ACSL4: variants seen among roughly 807,000 people sequenced by gnomAD.
ACSL4 encodes the protein acyl-CoA synthetase long chain family member 4, also known as long-chain-fatty-acid--CoA ligase 4.
A neutral mutation model predicts 49.1 loss-of-function variants in ACSL4; 9 were observed. That is an observed-to-expected ratio of 0.18 (90% CI 0.11 to 0.32). ACSL4 has a LOEUF of 0.32. ACSL4 is among the 10% of genes least tolerant of loss of function. The pLI, the probability that ACSL4 is intolerant of heterozygous loss-of-function variation, is 1.00. For synonymous variants in ACSL4, 191 were observed against 170.3 expected, an observed-to-expected ratio of 1.12 and a Z score of -0.95; for missense variants, 333 against 493.7, an observed-to-expected ratio of 0.67 and a Z score of 3.08.
At chrX:109,677,878 T>C in intron 8 of ACSL4, 110 bp downstream of exon 8, 1 of 1,066,680 alleles carries the variant, frequency 9.4e-7, no homozygotes, top group South Asian at 1.9e-5. Flanking sequence ...TATTTTGAGG[T>C]CAAGGAGAAA....
intron 2 of ACSL4, 27 bp from the exon 3 acceptor site, chrX:109,683,402 G>T: frequency 8.3e-7 from 1 of 1,211,188 alleles, no homozygotes; most frequent in Non-Finnish European, 1.1e-6. Flanking sequence ...AAATACCATG[G>T]AATAAATATA....
chrX:109,725,833 G>A (rs377200809), intron 1 of ACSL4, among the ~76,000 whole-genome samples: 16 of 111,125 alleles, frequency 1.4e-4, no homozygotes, highest in African/African-American at 3.6e-4. Context: ...ACATTTAAGC[G>A]GACAGTATTT....
rs778225354 is a variant in ACSL4, at chrX:109,675,965, C to A, written c.931-1492G>T. 2.7e-5 allele frequency among the ~76,000 whole-genome samples: 3 copies of A among 111,397 alleles called. 1 individual carries two copies. In the South Asian group the frequency reaches 1.1e-3, roughly 42 times the overall value. On this transcript the variant is annotated intron_variant, in intron 8 of 15. Coordinates refer to ENST00000672401, the MANE Select transcript of ACSL4 (RefSeq NM_001318510.2). The stretch of plus-strand genomic sequence containing the variant: ...GTGGTATAGTCAAACACAGCAGCAC[C>A]CTGTCATACAAAGATTGTGTTTCTT...
At chrX:109,723,286 T>C (rs1226096838) in intron 1 of ACSL4, among the ~76,000 whole-genome samples, 1 of 111,671 alleles carries the variant, frequency 9.0e-6, no homozygotes, top group Non-Finnish European at 1.9e-5. Context: ...ATTGTAATTG[T>C]AAATTATAAT....
intron 1 of ACSL4, among the ~76,000 whole-genome samples, chrX:109,719,391 A>C (rs1165457910): frequency 9.0e-6 from 1 of 111,660 alleles, no homozygotes; most frequent in African/African-American, 3.3e-5. Flanking sequence ...AGTGACCCCT[A>C]CTGAGCTAGG....
At chrX:109,722,616 T>C (rs1043454330) in intron 1 of ACSL4, among the ~76,000 whole-genome samples, 4 of 111,912 alleles carry the variant, frequency 3.6e-5, no homozygotes, top group African/African-American at 1.3e-4. Context: ...CATAGTTAAA[T>C]TCAAAACAGA....
intron 1 of ACSL4, among the ~76,000 whole-genome samples, chrX:109,725,485 T>TG (rs1927902232): frequency 9.0e-6 from 1 of 111,531 alleles, no homozygotes; most frequent in African/African-American, 3.3e-5. Context: ...TTTAGATGGC[T>TG]GGTGCGGTGG....
In ACSL4 at chrX:109,643,609, A is replaced by T; in HGVS notation, c.*420T>A. 7.0e-6 allele frequency: 1 copy of T among 143,058 alleles called. No individual in the cohort carries two copies. The highest frequency in any genetic ancestry group is 1.4e-5 in the Non-Finnish European group (1 of 71,386). The allele number at this position is 143,058 out of a possible 1,213,427, so 11.8% of individuals were successfully genotyped here. ...CACTTTTGCTTTGAGTAGTGTTAAT[A>T]CATATTTTCTGTCATGCTTAATATT... On this transcript the variant is annotated 3_prime_UTR_variant, in exon 16 of 16. Coordinates refer to ENST00000672401, the MANE Select transcript of ACSL4 (RefSeq NM_001318510.2).
At chrX:109,709,115 A>G (rs1926570480) in intron 1 of ACSL4, among the ~76,000 whole-genome samples, 1 of 112,015 alleles carries the variant, frequency 8.9e-6, no homozygotes, top group Admixed American at 9.5e-5. Context: ...CCCCATAATG[A>G]AAATGTTTTT....
chrX:109,676,953 A>G (rs754374084), intron 8 of ACSL4, among the ~76,000 whole-genome samples: 1 of 111,539 alleles, frequency 9.0e-6, no homozygotes, highest in African/African-American at 3.3e-5. Context: ...AATTTTTTTC[A>G]ATTTTACTTA....
chrX:109,722,602 T>C (rs1927645775), intron 1 of ACSL4, among the ~76,000 whole-genome samples: 1 of 111,845 alleles, frequency 8.9e-6, no homozygotes, highest in Admixed American at 9.6e-5. Flanking sequence ...GTAAATAACA[T>C]GTTCATAGTT....
Position 109,726,434 on chromosome X carries a change from A to C in ACSL4, c.-66+6705T>G, listed in dbSNP as rs775246887. ...GCAAAACTCCATCTCAAAAACAAAC[A>C]AACCAACCAACAAACAAAAAAACAA... On this transcript the variant is annotated intron_variant, in intron 1 of 15. Transcript: ENST00000672401. Among the ~76,000 whole-genome samples, 372 of 112,090 alleles carry C rather than the reference A, an allele frequency of 3.3e-3. 1 individual carries two copies. Among genetic ancestry groups the C allele is most frequent in the Non-Finnish European group, 4.7e-3 (251 of 53,206 alleles).
intron 1 of ACSL4, among the ~76,000 whole-genome samples, chrX:109,727,789 C>A (rs995392417): frequency 4.6e-5 from 5 of 109,431 alleles, no homozygotes; most frequent in African/African-American, 1.0e-4. Context: ...ATTGGCTTCA[C>A]GGGACATAAG....
chrX:109,690,062 T>C (rs181078485), intron 2 of ACSL4, among the ~76,000 whole-genome samples: 105 of 112,631 alleles, frequency 9.3e-4, no homozygotes, highest in Non-Finnish European at 1.1e-3. Flanking sequence ...AATACTATAC[T>C]CTTAAAATCC....
At chrX:109,669,212 T>C (rs748970872) in intron 9 of ACSL4, 39 bp from the exon 10 acceptor site, 2 of 1,075,072 alleles carry the variant, frequency 1.9e-6, no homozygotes, top group East Asian at 3.0e-5. Context: ...CTGAAAGGAA[T>C]GGAGACAGTC....
chrX:109,714,034 AGG>A (rs1926943228), intron 1 of ACSL4, among the ~76,000 whole-genome samples: 1 of 112,260 alleles, frequency 8.9e-6, no homozygotes, highest in South Asian at 3.7e-4. Context: ...ACACTCTTAT[AGG>A]AGATGACAAC....
At chrX:109,731,086 T>C (rs1928406991) in intron 1 of ACSL4, among the ~76,000 whole-genome samples, 1 of 111,871 alleles carries the variant, frequency 8.9e-6, no homozygotes, top group Non-Finnish European at 1.9e-5. Context: ...TCTGAGTTTA[T>C]AGATTTTCAC....
At chrX:109,676,011 G>T (rs1923650109) in intron 8 of ACSL4, among the ~76,000 whole-genome samples, 1 of 111,720 alleles carries the variant, frequency 9.0e-6, no homozygotes, top group Non-Finnish European at 1.9e-5. Flanking sequence ...GCTAGGAGTT[G>T]TTTGGAACAG....
intron 1 of ACSL4, among the ~76,000 whole-genome samples, chrX:109,728,227 A>C (rs1166359484): frequency 1.8e-5 from 2 of 112,617 alleles, no homozygotes; most frequent in East Asian, 5.5e-4. Context: ...GGAAAAATGC[A>C]GTCTAGACAG....
Sources: gnomAD v4.1 joint callset for allele counts (sites outside exome capture counted in the v4.1 genomes callset) on GRCh38, gnomAD v4.1.1 for gene constraint, MANE v1.5 for transcripts, NCBI Gene and HGNC (gene_info 2026-07-23, HGNC 2026-07-21) for gene names.